Variants in NCOA1 observed in about 807,000 individuals in gnomAD.
The protein encoded by NCOA1 is nuclear receptor coactivator 1, also known as Hin-2 protein.
A neutral mutation model predicts 150.9 loss-of-function variants in NCOA1; 35 were observed. The observed-to-expected ratio is 0.23, with a 90% CI of 0.18 to 0.31. The LOEUF is 0.31. Among genes scored for constraint, NCOA1 ranks in the 10% least tolerant of loss-of-function variants. NCOA1 has a pLI of 1.00. For synonymous variants in NCOA1, 590 were observed against 630.0 expected (o/e 0.94, Z 0.95); for missense variants, 1,491 against 1,749.3 (o/e 0.85, Z 2.63).
rs55744390 is a variant in NCOA1, at chr2:24,680,344, G to A, written c.355-2607G>A. On this transcript the variant is annotated intron_variant, in intron 7 of 22. Transcript: ENST00000348332. ...GCATCAACCTAAGTGTCCAAAAATG[G>A]ATGAATGGATTAAGAAAATGCTGTG... Among the ~76,000 whole-genome samples, 950 of 152,220 alleles carry A rather than the reference G, an allele frequency of 6.2e-3. 13 individuals are homozygous for A. Among genetic ancestry groups the A allele is most frequent in the African/African-American group, 0.021 (872 of 41,524 alleles).
intron 20 of NCOA1, among the ~76,000 whole-genome samples, chr2:24,755,486 T>C (rs938788598): frequency 3.3e-5 from 5 of 152,252 alleles, no homozygotes; most frequent in African/African-American, 7.2e-5. Context: ...GGCCAGAGTA[T>C]TCATCCTTCT....
chr2:24,765,155 C>T (rs184295676), intron 22 of NCOA1, among the ~76,000 whole-genome samples: 3 of 148,980 alleles, frequency 2.0e-5, no homozygotes, highest in East Asian at 2.0e-4. Context: ...CTATCTTGGG[C>T]GACAGAGGGA....
rs1274939410 is a variant in NCOA1, at chr2:24,725,051, TCA to T, written c.2600-1537_2600-1536del. On this transcript the variant is annotated intron_variant, in intron 14 of 22. Coordinates refer to ENST00000348332, the MANE Select transcript of NCOA1 (RefSeq NM_003743.5). The stretch of plus-strand genomic sequence containing the variant: ...AATGTGTTTATGTAACTTTTATTTC[TCA>T]GTTATACTAAATATTGAATATATTC... Among the ~76,000 whole-genome samples, 12 of 152,290 alleles carry T rather than the reference TCA, an allele frequency of 7.9e-5. No individual in the cohort carries two copies. In the East Asian group the frequency reaches 2.3e-3, roughly 29 times the overall value.
intron 3 of NCOA1, among the ~76,000 whole-genome samples, chr2:24,587,886 G>A (rs1314297676): frequency 6.6e-6 from 1 of 152,198 alleles, no homozygotes; most frequent in African/African-American, 2.4e-5. Context: ...CTAGAGTAGG[G>A]CACATAAACA....
At chr2:24,746,983 A>G (rs1000718867) in intron 19 of NCOA1, among the ~76,000 whole-genome samples, 1 of 152,208 alleles carries the variant, frequency 6.6e-6, no homozygotes, top group Non-Finnish European at 1.5e-5. Flanking sequence ...TGTAAAGTCT[A>G]AAGTTAGGAA....
At chr2:24,559,864 C>G (rs754765565) in intron 1 of NCOA1, among the ~76,000 whole-genome samples, 2 of 152,166 alleles carry the variant, frequency 1.3e-5, no homozygotes, top group Non-Finnish European at 1.5e-5. Context: ...TCTATCTGTT[C>G]CCCAGAGGCA....
rs1189780572 is a variant in NCOA1 at position 24,751,981 on chromosome 2, G to A, written c.3707-1G>A. On this transcript the variant is annotated splice_acceptor_variant, in intron 19 of 22. Coordinates refer to ENST00000348332, the MANE Select transcript of NCOA1 (RefSeq NM_003743.5). LOFTEE classifies it high-confidence loss of function. ...ATAAATTAATTTGTGTCAATTTACA[G>A]GAATGGTTCCCCAAGGTGAGGCCAA... 1 of 1,605,856 alleles carries A rather than the reference G, an allele frequency of 6.2e-7. No individual in the cohort carries two copies. Among genetic ancestry groups the A allele is most frequent in the South Asian group, 1.1e-5 (1 of 89,468 alleles).
intron 1 of NCOA1, among the ~76,000 whole-genome samples, chr2:24,542,885 C>G (rs1665457958): frequency 6.6e-6 from 1 of 152,130 alleles, no homozygotes; most frequent in Admixed American, 6.6e-5. Context: ...TTGTACCTTA[C>G]AAGGGGATTT....
intron 1 of NCOA1, among the ~76,000 whole-genome samples, chr2:24,549,760 CAG>C (rs1040698076): frequency 9.2e-5 from 14 of 152,136 alleles, no homozygotes; most frequent in Non-Finnish European, 1.6e-4. Flanking sequence ...TTAGTAGAGA[CAG>C]GGTTTCACCG....
chr2:24,502,068 C>T (rs1001777607), intron 1 of NCOA1, among the ~76,000 whole-genome samples: 8 of 152,306 alleles, frequency 5.3e-5, no homozygotes, highest in Middle Eastern at 6.8e-3. Context: ...CCTGGCCCTC[C>T]ATCCCTTGGC....
chr2:24,649,174 C>T (rs1253844729), intron 4 of NCOA1, among the ~76,000 whole-genome samples: 1 of 152,026 alleles, frequency 6.6e-6, no homozygotes, highest in East Asian at 1.9e-4. Context: ...AACAATTCTC[C>T]CACCTCAGAC....
chr2:24,749,798 G>T (rs1259468532), intron 19 of NCOA1, among the ~76,000 whole-genome samples: 1 of 152,160 alleles, frequency 6.6e-6, no homozygotes, highest in Non-Finnish European at 1.5e-5. Context: ...GGTATGCAAA[G>T]AAGTAGGAAA....
At chr2:24,589,670 AGT>A (rs1667569918) in intron 3 of NCOA1, among the ~76,000 whole-genome samples, 2 of 123,794 alleles carry the variant, frequency 1.6e-5, no homozygotes, top group South Asian at 2.6e-4. Context: ...TGTGTATGAA[AGT>A]GTGTGTGTGT....
At chr2:24,766,927 T>C (rs1236734446) in intron 22 of NCOA1, among the ~76,000 whole-genome samples, 1 of 151,980 alleles carries the variant, frequency 6.6e-6, no homozygotes, top group Non-Finnish European at 1.5e-5. Flanking sequence ...AGAAGCCACA[T>C]TTGGGAAACT....
intron 3 of NCOA1, among the ~76,000 whole-genome samples, chr2:24,632,724 C>T (rs576627329): frequency 1.3e-5 from 2 of 152,292 alleles, no homozygotes; most frequent in South Asian, 4.1e-4. Flanking sequence ...AAATACTGTA[C>T]TCCACTTGGT....
intron 3 of NCOA1, among the ~76,000 whole-genome samples, chr2:24,640,761 A>G (rs1366644427): frequency 6.6e-6 from 1 of 152,010 alleles, no homozygotes; most frequent in African/African-American, 2.4e-5. Context: ...TGATATTTAT[A>G]TTGCTTTCTT....
intron 14 of NCOA1, among the ~76,000 whole-genome samples, chr2:24,719,102 A>G (rs1197494711): frequency 6.6e-6 from 1 of 150,516 alleles, no homozygotes; most frequent in Admixed American, 6.6e-5. Flanking sequence ...TAAGTGGTGT[A>G]TTCATAAAAT....
intron 20 of NCOA1, among the ~76,000 whole-genome samples, chr2:24,752,765 A>G (rs190349717): frequency 2.3e-4 from 35 of 152,344 alleles, no homozygotes; most frequent in African/African-American, 8.2e-4. Flanking sequence ...TTCTCGATGT[A>G]TTTAAAGACT....
intron 6 of NCOA1, among the ~76,000 whole-genome samples, chr2:24,670,591 A>G (rs1361813261): frequency 6.6e-6 from 1 of 152,230 alleles, no homozygotes; most frequent in Non-Finnish European, 1.5e-5. Flanking sequence ...CACATATTGT[A>G]TGATTCCATT....
Sources: gnomAD v4.1 joint callset for allele counts (sites outside exome capture counted in the v4.1 genomes callset) on GRCh38, gnomAD v4.1.1 for gene constraint, MANE v1.5 for transcripts, NCBI Gene and HGNC (gene_info 2026-07-23, HGNC 2026-07-21) for gene names.